PSME4: variants seen among roughly 807,000 people sequenced by gnomAD.
The protein encoded by PSME4 is proteasome activator complex subunit 4.
A neutral mutation model predicts 253.9 loss-of-function variants in PSME4; 89 were observed. The observed-to-expected ratio is 0.35, with a 90% confidence interval of 0.30 to 0.42. The LOEUF is 0.42. Ranked by LOEUF, PSME4 falls within the 10% of genes least tolerant of loss-of-function variation. The pLI is 1.00. For synonymous variants in PSME4, 851 were observed against 759.2 expected (o/e 1.12, Z -1.99); for missense variants, 2,014 against 2,195.2 (o/e 0.92, Z 1.65).
rs1462407197 is a variant in PSME4 at position 53,869,387 on chromosome 2, A to G, written c.5252T>C (p.Ile1751Thr). 1 of 1,606,734 alleles carries G rather than the reference A, an allele frequency of 6.2e-7. No homozygotes were observed. The highest frequency in any genetic ancestry group is 2.2e-5 in the East Asian group (1 of 44,776). The change falls in exon 44 of 47, where the codon ATT (isoleucine) becomes ACT (threonine). Residue 1751 changes from isoleucine (I) to threonine (T), a missense_variant. By Grantham distance (89) the Ile-to-Thr change is moderately conservative (BLOSUM62 -1). Around this residue, in one of 4 missense-constraint regions of PSME4, gnomAD observed 403 missense variants for 556.1 expected, o/e 0.72. Transcript: ENST00000404125. ...KRDPGSVGDTIPSAELVKRHA... is the reference protein window; with the variant it reads ...KRDPGSVGDTTPSAELVKRHA... ...ACCAGCAATGTTACCTGCAGAAGGAATGGTATCTCCTACAGAACCAGGGTC... is the reference window on the plus strand; with the variant it reads ...ACCAGCAATGTTACCTGCAGAAGGAGTGGTATCTCCTACAGAACCAGGGTC...
intron 1 of PSME4, among the ~76,000 whole-genome samples, chr2:53,965,794 C>T (rs534117362): frequency 2.0e-5 from 3 of 151,920 alleles, no homozygotes; most frequent in Middle Eastern, 3.4e-3. Flanking sequence ...CTCAGCCCCC[C>T]GAGTAGCTGG....
chr2:53,876,222 T>C (rs1482993895), intron 41 of PSME4, among the ~76,000 whole-genome samples: 3 of 152,212 alleles, frequency 2.0e-5, no homozygotes, highest in Admixed American at 6.5e-5. Flanking sequence ...TTGTACTTAC[T>C]TGGTATGTTT....
At chr2:53,894,283 T>A (rs2104428794) in intron 34 of PSME4, among the ~76,000 whole-genome samples, 1 of 152,280 alleles carries the variant, frequency 6.6e-6, no homozygotes, top group African/African-American at 2.4e-5. Flanking sequence ...TTTTCTTTTC[T>A]TTTTTTGGGA....
rs781609993 is a variant in PSME4 at position 53,940,003 on chromosome 2, G to T, written c.501-3C>A. 5 of 1,549,200 alleles carry T rather than the reference G, an allele frequency of 3.2e-6. No individual in the cohort carries two copies. The highest frequency in any genetic ancestry group is 4.4e-6 in the Non-Finnish European group (5 of 1,135,306). On this transcript the variant is annotated splice_region_variant and splice_polypyrimidine_tract_variant and intron_variant, in intron 3 of 46. Transcript: ENST00000404125. Reference sequence around the variant, plus strand: ...TTTTGAGAATATTTTCTACAGAACTGGGGGGGGAAAGCCATTTGATAATTA... The same window carrying T: ...TTTTGAGAATATTTTCTACAGAACTTGGGGGGGAAAGCCATTTGATAATTA...
intron 4 of PSME4, 55 bp from the exon 5 acceptor site, chr2:53,937,595 C>T: frequency 6.5e-7 from 1 of 1,530,360 alleles, no homozygotes. Flanking sequence ...AGCTCTACAA[C>T]AGCAATATAT....
At chr2:53,958,142 C>T (rs866609214) in intron 1 of PSME4, among the ~76,000 whole-genome samples, 4 of 146,916 alleles carry the variant, frequency 2.7e-5, no homozygotes, top group Admixed American at 6.9e-5. Flanking sequence ...GGCAAGATCG[C>T]GCCACTGCAC....
intron 39 of PSME4, 80 bp downstream of exon 39, chr2:53,887,778 C>A: frequency 7.1e-7 from 1 of 1,416,954 alleles, no homozygotes. Flanking sequence ...ACATAACCAG[C>A]ATGTATTATT....
At position 53,904,106 on chromosome 2, in the gene PSME4, G is replaced by C; in HGVS notation, c.2994C>G (p.Asn998Lys). The C allele has an allele frequency of 5.6e-6, 9 of 1,613,616 alleles. No homozygotes were observed. Among genetic ancestry groups the C allele is most frequent in the Non-Finnish European group, 5.9e-6 (7 of 1,179,666 alleles). The change falls in exon 27 of 47, where the codon AAC becomes AAG. Residue 998 changes from asparagine (N) to lysine (K), a missense_variant. Around this residue, in one of 4 missense-constraint regions of PSME4, gnomAD observed 989 missense variants for 1,021.1 expected, o/e 0.97. Transcript: ENST00000404125. ...QTFFAALGAY[N>K]FCCRDIIPLV... Reference sequence around the variant, plus strand: ...AGGGAATGATATCTCTGCAACAGAAGTTATATGCTCCCAAGGCAGCAAAAA... The same window carrying C: ...AGGGAATGATATCTCTGCAACAGAACTTATATGCTCCCAAGGCAGCAAAAA...
intron 3 of PSME4, among the ~76,000 whole-genome samples, chr2:53,940,325 T>G (rs1259010642): frequency 2.0e-5 from 3 of 152,142 alleles, no homozygotes; most frequent in Admixed American, 1.3e-4. Context: ...CACAGTGGCT[T>G]AAAACTTCAA....
chr2:53,967,032 T>G (rs887496930), intron 1 of PSME4, among the ~76,000 whole-genome samples: 1 of 152,212 alleles, frequency 6.6e-6, no homozygotes, highest in Non-Finnish European at 1.5e-5. Context: ...ATTCTCTACA[T>G]GGGCCATACA....
In PSME4 at chr2:53,931,991, T is replaced by C. The variant is rs1314584648; in HGVS notation, c.1160A>G (p.Lys387Arg). The change falls in exon 10 of 47, where the codon AAG becomes AGG. Residue 387 changes from lysine to arginine, a missense_variant. By Grantham distance (26) the Lys-to-Arg change is conservative. Transcript: ENST00000404125. ...GTCTGTAACATCTTGATCAGTAAGC[T>C]TGTGGCTATCAGGCACAGGAGTTAA... ...SWLTPVPDSH[K>R]LTDQDVTDFV... 2 of 1,614,056 alleles carry C rather than the reference T, an allele frequency of 1.2e-6. No homozygotes were observed. The highest frequency in any genetic ancestry group is 1.7e-5 in the Admixed American group (1 of 60,012).
chr2:53,917,968 G>T (rs1344281645), intron 20 of PSME4, among the ~76,000 whole-genome samples: 2 of 152,154 alleles, frequency 1.3e-5, no homozygotes, highest in African/African-American at 4.8e-5. Flanking sequence ...TACCTGAAAT[G>T]ACCCTAACTT....
At chr2:53,933,446 C>T (rs1374726445) in intron 8 of PSME4, among the ~76,000 whole-genome samples, 2 of 138,386 alleles carry the variant, frequency 1.4e-5, no homozygotes, top group Non-Finnish European at 3.0e-5. Context: ...GTGGCACAAA[C>T]ATGGTTCACT....
intron 3 of PSME4, among the ~76,000 whole-genome samples, chr2:53,941,742 G>A: frequency 6.6e-6 from 1 of 152,040 alleles, no homozygotes; most frequent in East Asian, 1.9e-4. Context: ...TTCTAAAATT[G>A]TAAACTGTTT....
At chr2:53,902,979 T>C (rs1680482975) in intron 27 of PSME4, among the ~76,000 whole-genome samples, 3 of 152,324 alleles carry the variant, frequency 2.0e-5, no homozygotes, top group African/African-American at 7.2e-5. Context: ...GTCTTCCTTC[T>C]AGAAAGACCT....
Position 53,898,372 on chromosome 2 carries a change from G to C in PSME4, c.3423-18C>G, listed in dbSNP as rs761515176. On this transcript the variant is annotated intron_variant, in intron 29 of 46. Transcript: ENST00000404125. ...CATAGTTCCTTTAAAAAAAAGGTGA[G>C]GTATTATTTTACTATAATACTAAAA... is the stretch of plus-strand genomic sequence containing the variant. The C allele has an allele frequency of 1.3e-6, 2 of 1,565,200 alleles. No individual in the cohort carries two copies. The highest frequency in any genetic ancestry group is 1.7e-6 in the Non-Finnish European group (2 of 1,147,920).
Position 53,920,997 on chromosome 2 carries a change from A to G in PSME4, c.2154T>C (p.Cys718=). The G allele has an allele frequency of 6.2e-7, 1 of 1,614,114 alleles. No homozygotes were observed. The highest frequency in any genetic ancestry group is 8.5e-7 in the Non-Finnish European group (1 of 1,179,964). Residue 718 remains cysteine (C), a synonymous_variant, in exon 18 of 47, where the codon TGT becomes TGC. Coordinates refer to ENST00000404125, the MANE Select transcript of PSME4 (RefSeq NM_014614.3). The part of the protein sequence containing the change: ...LTCKQGYTLS[C]NLLHHLLRST... ...AACGGAGAAGATGATGCAAAAGGTT[A>G]CAAGACAGAGTGTAACCCTGCTTAC...
chr2:53,901,208 C>A (rs1680383478), intron 28 of PSME4, 142 bp downstream of exon 28: 1 of 747,746 alleles, frequency 1.3e-6, no homozygotes, highest in African/African-American at 1.8e-5. Context: ...AAAAAGCAAA[C>A]AGGTAACAAA....
chr2:53,970,459 C>A (rs1671012749), intron 1 of PSME4, 84 bp downstream of exon 1: 9 of 1,536,558 alleles, frequency 5.9e-6, no homozygotes, highest in Non-Finnish European at 7.9e-6. Flanking sequence ...AAGGGTCCAG[C>A]CCTCTGGACA....
Sources: allele counts gnomAD v4.1 joint callset (sites outside exome capture counted in the v4.1 genomes callset), GRCh38; gene constraint gnomAD v4.1.1; regional missense constraint gnomAD v4.1.1; transcripts MANE v1.5; gene names NCBI Gene and HGNC (gene_info 2026-07-23, HGNC 2026-07-21).